The following CCDC47 variants were observed in gnomAD, a reference collection of about 807,000 sequenced individuals.
The protein encoded by CCDC47 is coiled-coil domain containing 47, also known as PAT complex subunit CCDC47.
In CCDC47, 41 loss-of-function variants were observed where a neutral mutation model predicts 60.5. The observed-to-expected ratio is 0.68, with a 90% CI of 0.53 to 0.88. The LOEUF (loss-of-function observed/expected upper bound fraction) is 0.88, where lower values mean the gene tolerates loss of function less well. Ranked by LOEUF, CCDC47 falls within the 40% of genes least tolerant of loss-of-function variation. The probability of loss-of-function intolerance (pLI) is 0.00; values close to 1 mark genes in which losing one functional copy is unlikely to be tolerated. For synonymous variants in CCDC47, 195 were observed against 190.7 expected (o/e 1.02, Z -0.18); for missense variants, 513 against 580.9 (o/e 0.88, Z 1.20).
intron 12 of CCDC47, among the ~76,000 whole-genome samples, chr17:63,748,944 G>A (rs1489836707): frequency 6.6e-6 from 1 of 151,718 alleles, no homozygotes; most frequent in Admixed American, 6.6e-5. Context: ...AACCTGGGAG[G>A]CGGAGGTTGC....
At chr17:63,769,961 CTT>C (rs397857898) in intron 1 of CCDC47, among the ~76,000 whole-genome samples, 95 of 128,394 alleles carry the variant, frequency 7.4e-4, no homozygotes, top group African/African-American at 8.6e-4. Context: ...ATTTTTCTTT[CTT>C]TTTTTTTTTT....
Position 63,746,671 on chromosome 17 carries a change from A to G in CCDC47, c.*210T>C, listed in dbSNP as rs1469229192. On this transcript the variant is annotated 3_prime_UTR_variant, in exon 13 of 13. Coordinates refer to ENST00000225726, the MANE Select transcript of CCDC47 (RefSeq NM_020198.3). The stretch of plus-strand genomic sequence containing the variant: ...TAATCAAAATAATTTGATTATCTGG[A>G]AAAAAAAATTCTTGAAACAGAGCCC... The G allele has an allele frequency of 2.4e-6, 1 of 411,818 alleles. No homozygotes were observed. The highest frequency in any genetic ancestry group is 4.4e-6 in the Non-Finnish European group (1 of 228,682). The allele number at this position is 411,818 out of a possible 1,614,324, so 25.5% of individuals were successfully genotyped here.
At chr17:63,755,340 C>G in intron 8 of CCDC47, 1 of 982,198 alleles carries the variant, frequency 1.0e-6, no homozygotes, top group Non-Finnish European at 1.2e-6. Flanking sequence ...GTACTCCAGG[C>G]TGGGTGCAGT....
In CCDC47 at chr17:63,755,329, A is replaced by G. The variant is rs2039197247; in HGVS notation, c.949-811T>C. 6 of 984,184 alleles carry G rather than the reference A, an allele frequency of 6.1e-6. No homozygotes were observed. The South Asian group carries it at 2.8e-4, about 46-fold the overall frequency. The allele number at this position is 984,184 out of a possible 1,614,324, so 61.0% of individuals were successfully genotyped here. ...TAGGGAATCTCTTTAGAATTAAAGT[A>G]GTACTCCAGGCTGGGTGCAGTGGCT... On this transcript the variant is annotated intron_variant, in intron 8 of 12. Transcript: ENST00000225726.
chr17:63,747,457 A>G lies in CCDC47; in HGVS notation c.1372-496T>C, dbSNP rs1410697490. On this transcript the variant is annotated intron_variant, in intron 12 of 12. Transcript: ENST00000225726. The stretch of plus-strand genomic sequence containing the variant: ...ATAATACTTAAATTCATAATGCTCT[A>G]TTTGAGACATCATATTTATCAAATG... 4 of 982,138 alleles carry G rather than the reference A, an allele frequency of 4.1e-6. No homozygotes were observed. In the African/African-American group the frequency reaches 7.0e-5, roughly 17 times the overall value. 60.8% of individuals were successfully genotyped at this position (982,138 alleles called of 1,614,324 possible).
chr17:63,759,548 TA>T (rs2039238377), intron 6 of CCDC47, among the ~76,000 whole-genome samples: 2 of 24,830 alleles, frequency 8.1e-5, no homozygotes, highest in Admixed American at 4.3e-4. Context: ...TATATATATA[TA>T]TATATATATA....
At chr17:63,750,731 C>T (rs958307535) in intron 12 of CCDC47, among the ~76,000 whole-genome samples, 3 of 151,710 alleles carry the variant, frequency 2.0e-5, no homozygotes, top group Non-Finnish European at 4.4e-5. Context: ...ATTACAGGCA[C>T]GCGCCACCAC....
chr17:63,751,405 T>G (rs994687380), intron 12 of CCDC47, among the ~76,000 whole-genome samples: 2 of 74,130 alleles, frequency 2.7e-5, no homozygotes, highest in South Asian at 6.9e-4. Flanking sequence ...AAAAAAAAAA[T>G]TTAGAGCTGG....
chr17:63,756,623 G>A (rs2039209355), intron 6 of CCDC47, 53 bp from the exon 7 acceptor site: 1 of 1,248,672 alleles, frequency 8.0e-7, no homozygotes, highest in African/African-American at 1.5e-5. Context: ...TTCTGTGATA[G>A]GCAGATTTCT....
chr17:63,752,423 C>T lies in CCDC47; in HGVS notation c.1100G>A (p.Gly367Asp). 6.2e-7 allele frequency: 1 copy of T among 1,605,264 alleles called. No individual in the cohort carries two copies. Among genetic ancestry groups the T allele is most frequent in the South Asian group, 1.1e-5 (1 of 89,704 alleles). The change falls in exon 11 of 13, where the codon GGC (glycine) becomes GAC (aspartate). Residue 367 changes from glycine (G) to aspartate (D), a missense_variant. Transcript: ENST00000225726. ...ATCCTTTGGGTAAGTGTTACCTGAG[C>T]CAGGCACTGGAAAACAAAGCCATTT... ...RTLLFTFNVP[G>D]SGNTYPKDME...
At chr17:63,748,922 G>A (rs1038400422) in intron 12 of CCDC47, among the ~76,000 whole-genome samples, 4 of 151,368 alleles carry the variant, frequency 2.6e-5, no homozygotes, top group Admixed American at 1.3e-4. Flanking sequence ...GCTGAGGCAC[G>A]AGAATCACTT....
intron 12 of CCDC47, 144 bp downstream of exon 12, chr17:63,751,796 T>C (rs2039167525): frequency 8.5e-6 from 7 of 822,584 alleles, no homozygotes; most frequent in East Asian, 5.0e-5. Context: ...TATTCTTCTT[T>C]ATAGTGTTAT....
At position 63,766,138 on chromosome 17, in the gene CCDC47, A is replaced by G. The variant is rs2039296613; in HGVS notation, c.38T>C (p.Val13Ala). ...AFHTFCVVLL[V>A]FGSVSEAKFD... ...CTTGGCTTCAGAGACACTCCCAAACACCAGAAGGACAACACAGAAAGTGTG... is the reference window on the plus strand; with the variant it reads ...CTTGGCTTCAGAGACACTCCCAAACGCCAGAAGGACAACACAGAAAGTGTG... The change falls in exon 2 of 13, where the codon GTG becomes GCG. Residue 13 changes from valine to alanine, a missense_variant. Coordinates refer to ENST00000225726, the MANE Select transcript of CCDC47 (RefSeq NM_020198.3). The G allele has an allele frequency of 1.9e-6, 3 of 1,613,986 alleles. No individual in the cohort carries two copies. Among genetic ancestry groups the G allele is most frequent in the Non-Finnish European group, 2.5e-6 (3 of 1,179,966 alleles).
At chr17:63,771,044 G>GAAA (rs56323760) in intron 1 of CCDC47, among the ~76,000 whole-genome samples, 26,035 of 133,014 alleles carry the variant, frequency 0.2, 3,283 homozygotes, top group Middle Eastern at 0.28. Context: ...AAGGAAGGAA[G>GAAA]GAAGAAAGAA....
chr17:63,766,277 C>G (rs896525713), intron 1 of CCDC47, 83 bp from the exon 2 acceptor site: 2 of 1,287,194 alleles, frequency 1.6e-6, no homozygotes, highest in Non-Finnish European at 2.1e-6. Context: ...ATCTATAAAC[C>G]TCTCCTGCTT....
Position 63,764,046 on chromosome 17 carries a change from C to G in CCDC47, c.517G>C (p.Glu173Gln), listed in dbSNP as rs2039280043. 1 of 1,605,510 alleles carries G rather than the reference C, an allele frequency of 6.2e-7. No individual in the cohort carries two copies. Among genetic ancestry groups the G allele is most frequent in the African/African-American group, 1.3e-5 (1 of 74,416 alleles). ...AAAGTAAAGTTGCTCTCCAAAAGCT[C>G]CCTATGAGTGTTAAACCAGGCCTGT... Reference protein sequence around the residue: ...LAQAWFNTHRELLESNFTLVG... With the variant: ...LAQAWFNTHRQLLESNFTLVG... Residue 173 changes from glutamate (E) to glutamine (Q), a missense_variant, in exon 4 of 13, where the codon GAG (glutamate) becomes CAG (glutamine). Coordinates refer to ENST00000225726, the MANE Select transcript of CCDC47 (RefSeq NM_020198.3).
At chr17:63,761,444 G>GGCTGA (rs913201455) in intron 4 of CCDC47, 93 bp from the exon 5 acceptor site, 2 of 1,390,856 alleles carry the variant, frequency 1.4e-6, no homozygotes, top group African/African-American at 2.8e-5. Flanking sequence ...CACTTTGGGA[G>GGCTGA]GCTGAGGTGG....
intron 12 of CCDC47, among the ~76,000 whole-genome samples, chr17:63,750,917 C>G (rs1049427926): frequency 6.6e-6 from 1 of 151,268 alleles, no homozygotes; most frequent in African/African-American, 2.4e-5. Flanking sequence ...TTTGGCTGCC[C>G]AGGCTAGAGT....
intron 1 of CCDC47, among the ~76,000 whole-genome samples, chr17:63,766,580 C>T (rs1459360877): frequency 1.3e-5 from 2 of 152,050 alleles, no homozygotes; most frequent in Non-Finnish European, 2.9e-5. Flanking sequence ...TGTGCCACCA[C>T]GCCTGGCTAA....
Sources: allele counts gnomAD v4.1 joint callset (sites outside exome capture counted in the v4.1 genomes callset), GRCh38; gene constraint gnomAD v4.1.1; transcripts MANE v1.5; gene names NCBI Gene and HGNC (gene_info 2026-07-23, HGNC 2026-07-21).